The following FAM98A variants were observed in gnomAD, a reference collection of about 807,000 sequenced individuals.
FAM98A encodes tRNA splicing ligase complex subunit 3A, also known as protein FAM98A.
In FAM98A, 25 loss-of-function variants were observed where a neutral mutation model predicts 62.9. The observed-to-expected ratio is 0.40, with a 90% CI of 0.29 to 0.56. The LOEUF is 0.56. FAM98A is among the 20% of genes least tolerant of loss of function. FAM98A has a pLI of 0.51. For synonymous variants in FAM98A, 252 were observed against 228.6 expected, an observed-to-expected ratio of 1.10 and a Z score of -0.92; for missense variants, 653 against 640.7, an observed-to-expected ratio of 1.02 and a Z score of -0.21.
intron 2 of FAM98A, among the ~76,000 whole-genome samples, chr2:33,592,599 G>T (rs888958172): frequency 2.6e-5 from 4 of 152,106 alleles, no homozygotes; most frequent in Non-Finnish European, 5.9e-5. Context: ...CAAACTCCTG[G>T]CCTCAAGTTA....
At chr2:33,594,557 AAAAT>A (rs1191436343) in intron 2 of FAM98A, among the ~76,000 whole-genome samples, 4 of 30,648 alleles carry the variant, frequency 1.3e-4, no homozygotes, top group Admixed American at 4.6e-4. Context: ...AAAAAAAAAA[AAAAT>A]TATATATATA....
rs1316138343 is a variant in FAM98A, at chr2:33,583,816, G to A, written c.*960C>T. ...AGGGAGAATGTAAAACATCAACTCA[G>A]CCAGGCTTTTGTTTTCTGCAGCAAT... On this transcript the variant is annotated 3_prime_UTR_variant, in exon 8 of 8. Coordinates refer to ENST00000238823, the MANE Select transcript of FAM98A (RefSeq NM_015475.5). The A allele has an allele frequency of 2.6e-5, 4 of 152,710 alleles. No individual in the cohort carries two copies. Among genetic ancestry groups the A allele is most frequent in the Admixed American group, 2.6e-4 (4 of 15,300 alleles). 9.5% of individuals were successfully genotyped at this position (152,710 alleles called of 1,614,324 possible).
At chr2:33,595,806 A>T (rs1445886977) in intron 1 of FAM98A, among the ~76,000 whole-genome samples, 169 bp from the exon 2 acceptor site, 1 of 152,184 alleles carries the variant, frequency 6.6e-6, no homozygotes, top group Non-Finnish European at 1.5e-5. Flanking sequence ...ACTATACTGA[A>T]CCATTACAAA....
At chr2:33,598,272 T>C (rs1217651396) in intron 1 of FAM98A, among the ~76,000 whole-genome samples, 1 of 152,228 alleles carries the variant, frequency 6.6e-6, no homozygotes, top group Non-Finnish European at 1.5e-5. Flanking sequence ...TACTTAGAAA[T>C]ACAGCTAGCT....
Position 33,588,441 on chromosome 2 carries a change from C to G in FAM98A, c.416G>C (p.Gly139Ala). The G allele has an allele frequency of 6.2e-7, 1 of 1,613,690 alleles. No individual in the cohort carries two copies. The highest frequency in any genetic ancestry group is 8.5e-7 in the Non-Finnish European group (1 of 1,179,734). ...TTTCAACTCTTGAAAGACCTCACTA[C>G]CGCCTCCTTCTTGAGCTTTTTTTGG... Reference protein sequence around the residue: ...APPKKAQEGGGSEVFQELKGI... With the variant: ...APPKKAQEGGASEVFQELKGI... The change falls in exon 4 of 8, where the codon GGT becomes GCT. Residue 139 changes from glycine to alanine, a missense_variant. Transcript: ENST00000238823.
intron 3 of FAM98A, 73 bp from the exon 4 acceptor site, chr2:33,588,592 A>G (rs1677608805): frequency 4.2e-6 from 5 of 1,181,474 alleles, no homozygotes; most frequent in Non-Finnish European, 5.9e-6. Context: ...AGTCACAACT[A>G]TATAGACCTA....
intron 6 of FAM98A, among the ~76,000 whole-genome samples, chr2:33,586,093 A>G (rs969352076): frequency 1.3e-5 from 2 of 152,232 alleles, no homozygotes; most frequent in African/African-American, 2.4e-5. Flanking sequence ...TTTGGTTTCT[A>G]TGAGGTAATA....
chr2:33,598,591 G>T (rs1677871411), intron 1 of FAM98A, among the ~76,000 whole-genome samples: 1 of 152,194 alleles, frequency 6.6e-6, no homozygotes, highest in Non-Finnish European at 1.5e-5. Context: ...GCAAACTGCT[G>T]GTGGTTCCCA....
intron 2 of FAM98A, among the ~76,000 whole-genome samples, chr2:33,593,577 T>C (rs1043153380): frequency 1.3e-5 from 2 of 152,264 alleles, no homozygotes; most frequent in Non-Finnish European, 2.9e-5. Context: ...CAAAGCTCTT[T>C]CTTCATTATT....
chr2:33,598,314 T>C (rs965866023), intron 1 of FAM98A, among the ~76,000 whole-genome samples: 3 of 152,224 alleles, frequency 2.0e-5, no homozygotes, highest in Non-Finnish European at 2.9e-5. Flanking sequence ...ACCGTACCTG[T>C]AGGTAAGTAT....
At chr2:33,598,232 C>T (rs1677858742) in intron 1 of FAM98A, among the ~76,000 whole-genome samples, 1 of 152,174 alleles carries the variant, frequency 6.6e-6, no homozygotes, top group Non-Finnish European at 1.5e-5. Flanking sequence ...CATGGAAAAA[C>T]CTAAGAGAAA....
chr2:33,596,134 A>G (rs1466332611), intron 1 of FAM98A, among the ~76,000 whole-genome samples: 1 of 152,202 alleles, frequency 6.6e-6, no homozygotes, highest in African/African-American at 2.4e-5. Flanking sequence ...GTGAAGGCAC[A>G]AGCCACCAAA....
chr2:33,593,427 T>C (rs1677720157), intron 2 of FAM98A, among the ~76,000 whole-genome samples: 1 of 152,106 alleles, frequency 6.6e-6, no homozygotes, highest in Non-Finnish European at 1.5e-5. Flanking sequence ...AAAAGGACTG[T>C]ACTTATCTCC....
intron 1 of FAM98A, among the ~76,000 whole-genome samples, chr2:33,598,030 A>G (rs1677853712): frequency 6.6e-6 from 1 of 152,248 alleles, no homozygotes; most frequent in African/African-American, 2.4e-5. Context: ...AGTCTGGAAT[A>G]TTTATAAAAA....
intron 7 of FAM98A, 29 bp from the exon 8 acceptor site, chr2:33,585,473 T>C: frequency 6.2e-7 from 1 of 1,613,342 alleles, no homozygotes; most frequent in Non-Finnish European, 8.5e-7. Flanking sequence ...ATTTTAAACT[T>C]TTATTTTATG....
chr2:33,587,057 A>G (rs183772685), intron 5 of FAM98A, among the ~76,000 whole-genome samples, 183 bp downstream of exon 5: 1 of 152,366 alleles, frequency 6.6e-6, no homozygotes, highest in African/African-American at 2.4e-5. Flanking sequence ...AGTGCTTCTA[A>G]TCTTACACAA....
chr2:33,594,855 C>T (rs559099659), intron 2 of FAM98A, among the ~76,000 whole-genome samples: 68 of 152,222 alleles, frequency 4.5e-4, no homozygotes, highest in Non-Finnish European at 7.6e-4. Flanking sequence ...GGTTTACCTA[C>T]AGCAGGAAGG....
In FAM98A at chr2:33,584,876, T is replaced by C. The variant is rs748763849; in HGVS notation, c.1457A>G (p.Gln486Arg). 7 of 1,614,122 alleles carry C rather than the reference T, an allele frequency of 4.3e-6. No homozygotes were observed. The South Asian group carries it at 7.7e-5, about 18-fold the overall frequency. The change falls in exon 8 of 8, where the codon CAG becomes CGG. Residue 486 changes from glutamine (Q) to arginine (R), a missense_variant. Transcript: ENST00000238823. The part of the protein sequence containing the change: ...QGGGWGGRGS[Q>R]NYHQGGQFEQ... Reference sequence around the variant, plus strand: ...AAATTGACCCCCTTGGTGATAATTCTGGCTCCCTCTTCCTCCCCAGCCTCC... The same window carrying C: ...AAATTGACCCCCTTGGTGATAATTCCGGCTCCCTCTTCCTCCCCAGCCTCC...
Position 33,599,270 on chromosome 2 carries a change from G to C in FAM98A, c.-49C>G, listed in dbSNP as rs775450967. 25 of 1,506,410 alleles carry C rather than the reference G, an allele frequency of 1.7e-5. No homozygotes were observed. Among genetic ancestry groups the C allele is most frequent in the Non-Finnish European group, 2.1e-5 (23 of 1,081,696 alleles). The allele number at this position is 1,506,410 out of a possible 1,614,324, so 93.3% of individuals were successfully genotyped here. ...GAGTCGTCAGGCTCCCCTCTTCGCC[G>C]GCAACGCGTACACTCGCGCATGCGC... On this transcript the variant is annotated 5_prime_UTR_variant, in exon 1 of 8. Transcript: ENST00000238823.
Sources: gnomAD v4.1 joint callset for allele counts (sites outside exome capture counted in the v4.1 genomes callset) on GRCh38, gnomAD v4.1.1 for gene constraint, MANE v1.5 for transcripts, NCBI Gene and HGNC (gene_info 2026-07-23, HGNC 2026-07-21) for gene names.